Variants in CHSY3 observed in about 807,000 individuals in gnomAD.
CHSY3 encodes N-acetylgalactosaminyl-proteoglycan 3-beta-glucuronosyltransferase 3.
Under a neutral mutation model 67.2 loss-of-function variants are expected in CHSY3, and 35 were observed. The ratio of observed to expected loss-of-function variants is 0.52; its 90% CI spans 0.40 to 0.69. The LOEUF is 0.69. Among genes scored for constraint, CHSY3 ranks in the 30% least tolerant of loss-of-function variants. The pLI is 0.00. For synonymous variants in CHSY3, 474 were observed against 434.7 expected (o/e 1.09, Z -1.12); for missense variants, 1,069 against 1,138.5 (o/e 0.94, Z 0.88).
intron 2 of CHSY3, among the ~76,000 whole-genome samples, chr5:130,069,687 G>A (rs115013675): frequency 0.015 from 2,226 of 151,644 alleles, 46 homozygotes; most frequent in African/African-American, 0.049. Flanking sequence ...CTTCACTATC[G>A]CTATTTTTAT....
At chr5:129,917,268 C>G (rs1316081202) in intron 2 of CHSY3, among the ~76,000 whole-genome samples, 2 of 152,068 alleles carry the variant, frequency 1.3e-5, no homozygotes, top group African/African-American at 2.4e-5. Flanking sequence ...TTTCTAAGAC[C>G]CCCATGGATA....
rs527988303 is a variant in CHSY3, at chr5:130,113,623, C to A, written c.1087-70606C>A. ...TGAGTTCCACTCCTATTGCATGATT[C>A]CTTTGTCTATTACAAGGCCCAGTCT... On this transcript the variant is annotated intron_variant, in intron 2 of 2. Coordinates refer to ENST00000305031, the MANE Select transcript of CHSY3 (RefSeq NM_175856.5). 5.9e-5 allele frequency among the ~76,000 whole-genome samples: 9 copies of A among 152,230 alleles called. No homozygotes were observed. The South Asian group carries it at 1.9e-3, about 32-fold the overall frequency.
chr5:129,904,935 G>A lies in CHSY3; in HGVS notation c.106G>A (p.Glu36Lys), dbSNP rs1195416082. ...LIAPRVAELS[E>K]RKRRGSSLCS... ...CGCCCCCAGGGTGGCGGAGCTGAGC[G>A]AGAGGAAGAGACGTGGCTCCAGCCT... Residue 36 changes from glutamate to lysine, a missense_variant, in exon 1 of 3, where the codon GAG becomes AAG. By Grantham distance (56) the Glu-to-Lys change is moderately conservative (BLOSUM62 1). Transcript: ENST00000305031. 1 of 1,549,154 alleles carries A rather than the reference G, an allele frequency of 6.5e-7. No individual in the cohort carries two copies. The highest frequency in any genetic ancestry group is 8.7e-7 in the Non-Finnish European group (1 of 1,151,222).
At chr5:130,009,322 T>A (rs768884386) in intron 2 of CHSY3, among the ~76,000 whole-genome samples, 1 of 151,874 alleles carries the variant, frequency 6.6e-6, no homozygotes, top group African/African-American at 2.4e-5. Context: ...TCAGCATCGC[T>A]AAAGAAAAAA....
At chr5:130,007,634 T>G (rs906042951) in intron 2 of CHSY3, among the ~76,000 whole-genome samples, 1 of 152,088 alleles carries the variant, frequency 6.6e-6, no homozygotes, top group Non-Finnish European at 1.5e-5. Context: ...TGGGAGAGAT[T>G]GCTGCTTGGA....
intron 2 of CHSY3, among the ~76,000 whole-genome samples, chr5:130,024,738 C>T (rs975448392): frequency 5.9e-5 from 9 of 152,064 alleles, no homozygotes; most frequent in African/African-American, 1.4e-4. Flanking sequence ...ATTGAAGCAG[C>T]GTTCATAAAT....
At chr5:130,001,761 T>C (rs1323575636) in intron 2 of CHSY3, 2 of 839,040 alleles carry the variant, frequency 2.4e-6, no homozygotes, top group African/African-American at 3.7e-5. Context: ...CATCCCTTAT[T>C]CTGAACATGC....
intron 2 of CHSY3, among the ~76,000 whole-genome samples, chr5:129,999,026 A>T (rs190121364): frequency 1.3e-5 from 2 of 151,858 alleles, no homozygotes; most frequent in African/African-American, 4.8e-5. Context: ...GTACCATTTT[A>T]TTCTAAAATA....
intron 2 of CHSY3, among the ~76,000 whole-genome samples, chr5:130,096,053 G>T (rs1019675641): frequency 6.6e-6 from 1 of 152,198 alleles, no homozygotes; most frequent in Non-Finnish European, 1.5e-5. Context: ...TGATAAGGAA[G>T]ATTGAGAAAC....
intron 2 of CHSY3, among the ~76,000 whole-genome samples, chr5:130,167,355 T>C (rs532999596): frequency 2.0e-4 from 30 of 152,178 alleles, no homozygotes; most frequent in Non-Finnish European, 4.1e-4. Flanking sequence ...TCTTTGTTGA[T>C]GATTACATTT....
chr5:130,095,509 A>T (rs1767015773), intron 2 of CHSY3, among the ~76,000 whole-genome samples: 1 of 152,250 alleles, frequency 6.6e-6, no homozygotes, highest in South Asian at 2.1e-4. Context: ...GAATGGAATA[A>T]ATATCCATGG....
intron 2 of CHSY3, among the ~76,000 whole-genome samples, chr5:129,939,255 A>G (rs1343684423): frequency 6.6e-6 from 1 of 152,150 alleles, no homozygotes; most frequent in African/African-American, 2.4e-5. Flanking sequence ...CCCCCGATTC[A>G]GTCACCTCCT....
intron 1 of CHSY3, among the ~76,000 whole-genome samples, chr5:129,907,706 A>G (rs1760366804): frequency 6.6e-6 from 1 of 152,206 alleles, no homozygotes; most frequent in Non-Finnish European, 1.5e-5. Flanking sequence ...CAGCCAAAAC[A>G]ATGCTAAATA....
intron 2 of CHSY3, among the ~76,000 whole-genome samples, chr5:130,124,111 CTA>C (rs1194581038): frequency 1.4e-5 from 2 of 146,458 alleles, no homozygotes; most frequent in Non-Finnish European, 3.0e-5. Context: ...ATAAAATTGA[CTA>C]TATAATATAG....
Position 130,108,173 on chromosome 5 carries a change from A to G in CHSY3, c.1087-76056A>G, listed in dbSNP as rs1274806530. 3.3e-5 allele frequency among the ~76,000 whole-genome samples: 5 copies of G among 151,624 alleles called. No individual in the cohort carries two copies. In the East Asian group the frequency reaches 9.7e-4, roughly 29 times the overall value. On this transcript the variant is annotated intron_variant, in intron 2 of 2. Coordinates refer to ENST00000305031, the MANE Select transcript of CHSY3 (RefSeq NM_175856.5). ...AATTTATACACTCTAGTTGATGGCA[A>G]TTTAATCAGTTTATGATGCAAAACT...
intron 2 of CHSY3, among the ~76,000 whole-genome samples, chr5:130,083,090 A>C (rs966645880): frequency 2.0e-5 from 3 of 152,038 alleles, no homozygotes; most frequent in Non-Finnish European, 4.4e-5. Context: ...CGCTTCAATC[A>C]TTTCCAATGT....
At chr5:130,135,090 T>C (rs1768616085) in intron 2 of CHSY3, among the ~76,000 whole-genome samples, 1 of 152,044 alleles carries the variant, frequency 6.6e-6, no homozygotes, top group South Asian at 2.1e-4. Flanking sequence ...CACACACATA[T>C]ATACGTGTCT....
At chr5:129,998,229 C>A (rs1186025388) in intron 2 of CHSY3, among the ~76,000 whole-genome samples, 1 of 112,480 alleles carries the variant, frequency 8.9e-6, no homozygotes, top group East Asian at 2.8e-4. Context: ...TAAATGAATT[C>A]TGTGCTCACT....
chr5:130,113,713 A>C (rs934690953), intron 2 of CHSY3, among the ~76,000 whole-genome samples: 1 of 152,128 alleles, frequency 6.6e-6, no homozygotes, highest in Non-Finnish European at 1.5e-5. Context: ...TACATGAGAG[A>C]CCACACCATC....
Sources: allele counts gnomAD v4.1 joint callset (sites outside exome capture counted in the v4.1 genomes callset), GRCh38; gene constraint gnomAD v4.1.1; transcripts MANE v1.5; gene names NCBI Gene and HGNC (gene_info 2026-07-23, HGNC 2026-07-21).